CCDC88C: variants seen among roughly 807,000 people sequenced by gnomAD.
The protein encoded by CCDC88C is protein Daple.
Under a neutral mutation model 198.8 loss-of-function variants are expected in CCDC88C, and 131 were observed. The observed-to-expected ratio is 0.66, with a 90% CI of 0.57 to 0.76. The LOEUF (loss-of-function observed/expected upper bound fraction) is 0.76. CCDC88C is among the 30% of genes least tolerant of loss of function. The probability of loss-of-function intolerance (pLI) is 0.00; values close to 1 mark genes in which losing one functional copy is unlikely to be tolerated. For synonymous variants in CCDC88C, 1,166 were observed against 1,114.7 expected, an observed-to-expected ratio of 1.05 and a Z score of -0.92; for missense variants, 2,553 against 2,631.6, an observed-to-expected ratio of 0.97 and a Z score of 0.65.
At chr14:91,363,467 A>G (rs1000838743) in intron 3 of CCDC88C, among the ~76,000 whole-genome samples, 1 of 152,076 alleles carries the variant, frequency 6.6e-6, no homozygotes, top group Non-Finnish European at 1.5e-5. Context: ...CTTACAGCAC[A>G]TCCCAATTCA....
chr14:91,393,066 C>T (rs952181748), intron 3 of CCDC88C, among the ~76,000 whole-genome samples: 1 of 152,212 alleles, frequency 6.6e-6, no homozygotes, highest in Non-Finnish European at 1.5e-5. Context: ...CCGGAAACGG[C>T]CCCTGGGCAC....
At chr14:91,356,383 G>C (rs1013912091) in intron 4 of CCDC88C, among the ~76,000 whole-genome samples, 1 of 152,126 alleles carries the variant, frequency 6.6e-6, no homozygotes, top group East Asian at 1.9e-4. Context: ...GCGAGGCCCG[G>C]GGCCCTCTGA....
intron 14 of CCDC88C, among the ~76,000 whole-genome samples, chr14:91,314,867 T>G (rs1892023870): frequency 6.6e-6 from 1 of 152,216 alleles, no homozygotes; most frequent in Admixed American, 6.5e-5. Flanking sequence ...CCAGTGATGG[T>G]GGCTCATGCC....
intron 3 of CCDC88C, among the ~76,000 whole-genome samples, chr14:91,383,606 C>G (rs967340746): frequency 6.6e-6 from 1 of 152,218 alleles, no homozygotes; most frequent in African/African-American, 2.4e-5. Flanking sequence ...TATCGGTTTA[C>G]TTTGCAAAAC....
rs1438093304 is a variant in CCDC88C at position 91,338,676 on chromosome 14, G to A, written c.810-106C>T. 18 of 839,274 alleles carry A rather than the reference G, an allele frequency of 2.1e-5. No individual in the cohort carries two copies. The highest frequency in any genetic ancestry group is 5.9e-5 in the South Asian group (4 of 67,766). The allele number at this position is 839,274 out of a possible 1,614,324, so 52.0% of individuals were successfully genotyped here. A position where few individuals can be genotyped will look rare whatever the true frequency, so the allele number is the denominator to read the frequency against. On this transcript the variant is annotated intron_variant, in intron 8 of 29. Transcript: ENST00000389857. This position sits in a 1 kb window ranked among gnomAD's most constrained non-coding sequence, Gnocchi z 4.8. ...AACCTGTGGGAAAAGGAAAGGACTC[G>A]GGATTTGGGCGGTGGGGAGGCGATC... is the stretch of plus-strand genomic sequence containing the variant.
At position 91,278,220 on chromosome 14, in the gene CCDC88C, C is replaced by A; in HGVS notation, c.4769-9G>T. The stretch of plus-strand genomic sequence containing the variant: ...GAGCTGCTCGGAGGAGCCTGGGTGT[C>A]AGGGCAGGAGACAGAGGACCCTCAT... On this transcript the variant is annotated splice_polypyrimidine_tract_variant and intron_variant, in intron 28 of 29. Transcript: ENST00000389857. 1 of 1,587,950 alleles carries A rather than the reference C, an allele frequency of 6.3e-7. No individual in the cohort carries two copies. The highest frequency in any genetic ancestry group is 1.1e-5 in the South Asian group (1 of 87,616).
rs1350011663 is a variant in CCDC88C at position 91,417,685 on chromosome 14, G to A, written c.6C>T (p.Asp2=). The A allele has an allele frequency of 2.6e-6, 4 of 1,562,980 alleles. No homozygotes were observed. Among genetic ancestry groups the A allele is most frequent in the East Asian group, 2.5e-5 (1 of 39,834 alleles). Residue 2 remains aspartate (D), a synonymous_variant, in exon 1 of 30, where the codon GAC becomes GAT. Coordinates refer to ENST00000389857, the MANE Select transcript of CCDC88C (RefSeq NM_001080414.4). The stretch of plus-strand genomic sequence containing the variant: ...GCTCCAGGAGCTCCGAGACTGTCAC[G>A]TCCATGCTGAGGCTGCGCCCGCCGG... M[D]VTVSELLELF... is the part of the protein sequence containing the mutation.
intron 12 of CCDC88C, among the ~76,000 whole-genome samples, chr14:91,323,081 C>A (rs148799270): frequency 1.3e-5 from 2 of 151,880 alleles, no homozygotes; most frequent in Non-Finnish European, 2.9e-5. Flanking sequence ...AATTTTTGTA[C>A]TTTTAGTAGA....
In CCDC88C at chr14:91,292,255, T is replaced by C. The variant is rs367961265; in HGVS notation, c.4113-1171A>G. Among the ~76,000 whole-genome samples, 14 of 152,294 alleles carry C rather than the reference T, an allele frequency of 9.2e-5. No homozygotes were observed. The East Asian group carries it at 1.2e-3, about 13-fold the overall frequency. On this transcript the variant is annotated intron_variant, in intron 23 of 29. Coordinates refer to ENST00000389857, the MANE Select transcript of CCDC88C (RefSeq NM_001080414.4). ...TGAGCCTTAAGCCTTGAGTGCTTCA[T>C]GGCTGGGGTTGGCCCCACAGACTCA...
Position 91,338,461 on chromosome 14 carries a change from G to A in CCDC88C, c.891+28C>T. The A allele has an allele frequency of 6.5e-7, 1 of 1,545,408 alleles. No homozygotes were observed. Among genetic ancestry groups the A allele is most frequent in the South Asian group, 1.2e-5 (1 of 83,980 alleles). ...GACACTCCAGCCCTGCTACCCCCAG[G>A]ACACACAGGCTCAGGCCCCCGACTC... On this transcript the variant is annotated intron_variant, in intron 9 of 29. Transcript: ENST00000389857. This position sits in a 1 kb window ranked among gnomAD's most constrained non-coding sequence, Gnocchi z 4.8.
chr14:91,416,552 C>G (rs1887065021), intron 2 of CCDC88C, among the ~76,000 whole-genome samples, 186 bp downstream of exon 2: 1 of 152,122 alleles, frequency 6.6e-6, no homozygotes, highest in East Asian at 1.9e-4. Flanking sequence ...GACCCACTGT[C>G]CTGGAGTTCT....
intron 12 of CCDC88C, among the ~76,000 whole-genome samples, chr14:91,321,570 CTG>C (rs1336352746): frequency 6.6e-6 from 1 of 152,244 alleles, no homozygotes; most frequent in African/African-American, 2.4e-5. Context: ...AATGCAAGGG[CTG>C]TGTCACTTCT....
intron 23 of CCDC88C, among the ~76,000 whole-genome samples, chr14:91,293,660 T>G (rs1189107145): frequency 2.0e-5 from 3 of 148,926 alleles, no homozygotes; most frequent in Non-Finnish European, 4.5e-5. Context: ...ACTCCCCCTG[T>G]TTTTTTTCCA....
At chr14:91,413,584 C>A (rs528829469) in intron 2 of CCDC88C, among the ~76,000 whole-genome samples, 27 of 152,264 alleles carry the variant, frequency 1.8e-4, no homozygotes, top group Admixed American at 4.6e-4. Context: ...GCAGGCATTC[C>A]CAGGCCTCTC....
intron 27 of CCDC88C, 94 bp downstream of exon 27, chr14:91,281,363 A>C: frequency 6.3e-7 from 1 of 1,589,706 alleles, no homozygotes; most frequent in East Asian, 2.3e-5. Context: ...TTGGTGTTGG[A>C]CTCCCGTACA....
At chr14:91,321,030 CCTT>C in intron 13 of CCDC88C, 87 bp downstream of exon 13, 1 of 1,288,148 alleles carries the variant, frequency 7.8e-7, no homozygotes, top group East Asian at 2.5e-5. Flanking sequence ...CTGGCCCCCT[CCTT>C]GTCTGTGCTC....
chr14:91,339,252 G>A lies in CCDC88C; in HGVS notation c.809+26C>T, dbSNP rs770394345. The A allele has an allele frequency of 5.1e-5, 82 of 1,610,736 alleles. No individual in the cohort carries two copies. Among genetic ancestry groups the A allele is most frequent in the Non-Finnish European group, 5.8e-5 (68 of 1,179,262 alleles). On this transcript the variant is annotated intron_variant, in intron 8 of 29. Transcript: ENST00000389857. The surrounding 1 kb of genome is among the most constrained non-coding windows in gnomAD (Gnocchi z 5.8). ...GAAACATGTCTGCAACACACACAAA[G>A]GTAGGAGAAGCAGCCGGGGACTCAC...
chr14:91,405,461 G>T (rs981561812), intron 3 of CCDC88C, among the ~76,000 whole-genome samples: 1 of 152,172 alleles, frequency 6.6e-6, no homozygotes, highest in African/African-American at 2.4e-5. Flanking sequence ...CCCAAGAAGA[G>T]GCCGGGCGGC....
intron 6 of CCDC88C, among the ~76,000 whole-genome samples, chr14:91,340,819 T>A (rs1229646470): frequency 6.6e-6 from 1 of 152,046 alleles, no homozygotes; most frequent in Non-Finnish European, 1.5e-5. Context: ...TTGAGCAACC[T>A]AGTAAGACCC....
Sources: gnomAD v4.1 joint callset for allele counts (sites outside exome capture counted in the v4.1 genomes callset) on GRCh38, gnomAD v4.1.1 for gene constraint, Gnocchi (gnomAD v3.1) non-coding constraint, MANE v1.5 for transcripts, NCBI Gene and HGNC (gene_info 2026-07-23, HGNC 2026-07-21) for gene names.